Variants in ASZ1 observed in about 807,000 individuals in gnomAD.
ASZ1 encodes ankyrin repeat, SAM and basic leucine zipper domain-containing protein 1.
A neutral mutation model predicts 61.8 loss-of-function variants in ASZ1; 67 were observed. The observed-to-expected ratio is 1.08, with a 90% CI of 0.89 to 1.33. The LOEUF (loss-of-function observed/expected upper bound fraction) is 1.33, where lower values mean the gene tolerates loss of function less well. Ranked by LOEUF, ASZ1 falls within the 40% of genes most tolerant of loss-of-function variation. The pLI, the probability that ASZ1 is intolerant of heterozygous loss-of-function variation, is 0.00. For synonymous variants in ASZ1, 193 were observed against 192.7 expected (o/e 1.00, Z -0.01); for missense variants, 577 against 554.5 (o/e 1.04, Z -0.41).
At chr7:117,392,238 G>C (rs1015459695) in intron 4 of ASZ1, among the ~76,000 whole-genome samples, 6 of 152,104 alleles carry the variant, frequency 3.9e-5, no homozygotes, top group African/African-American at 1.4e-4. Context: ...TGTGATCACG[G>C]AATTCTTTTT....
At chr7:117,368,579 A>G (rs1358872317) in intron 11 of ASZ1, 33 bp downstream of exon 11, 1 of 1,601,802 alleles carries the variant, frequency 6.2e-7, no homozygotes, top group Non-Finnish European at 8.5e-7. Flanking sequence ...CAGTGTTCAT[A>G]CTTTTCTTCA....
chr7:117,380,560 A>G (rs1796230300), intron 9 of ASZ1, among the ~76,000 whole-genome samples: 1 of 151,692 alleles, frequency 6.6e-6, no homozygotes, highest in Non-Finnish European at 1.5e-5. Flanking sequence ...TACATATGCT[A>G]TTTATCAAAG....
At chr7:117,379,112 G>T (rs976376758) in intron 10 of ASZ1, among the ~76,000 whole-genome samples, 1 of 134,490 alleles carries the variant, frequency 7.4e-6, no homozygotes, top group Non-Finnish European at 1.6e-5. Flanking sequence ...GTAGTTACAT[G>T]AAGCTATAAA....
Position 117,385,701 on chromosome 7 carries a change from G to A in ASZ1, c.549C>T (p.Tyr183=), listed in dbSNP as rs1314962901. The change falls in exon 5 of 13, where the codon TAC becomes TAT. Residue 183 remains tyrosine, a synonymous_variant. Coordinates refer to ENST00000284629, the MANE Select transcript of ASZ1 (RefSeq NM_130768.3). The part of the protein sequence containing the change: ...AEVNTQDENG[Y]TALTWAARQG... ...ACATTGTAAAAATGTTTCTCACAGT[G>A]TAACCATTCTCATCCTGGGTATTAA... The A allele has an allele frequency of 1.9e-6, 3 of 1,593,880 alleles. No homozygotes were observed. The highest frequency in any genetic ancestry group is 2.6e-6 in the Non-Finnish European group (3 of 1,162,218).
At chr7:117,388,693 T>C (rs913630184) in intron 4 of ASZ1, among the ~76,000 whole-genome samples, 1 of 152,162 alleles carries the variant, frequency 6.6e-6, no homozygotes, top group African/African-American at 2.4e-5. Flanking sequence ...TCATATTTAA[T>C]GGTGAAAGAG....
chr7:117,367,719 T>C, intron 11 of ASZ1: 3 of 963,592 alleles, frequency 3.1e-6, no homozygotes, highest in Non-Finnish European at 3.8e-6. Context: ...ATAACATTTA[T>C]GATGAACAAA....
Position 117,380,028 on chromosome 7 carries a change from T to A in ASZ1, c.965A>T (p.Asp322Val), listed in dbSNP as rs751279747. The change falls in exon 10 of 13, where the codon GAC (aspartate) becomes GTC (valine). Residue 322 changes from aspartate to valine, a missense_variant. By Grantham distance (152) the Asp-to-Val change is radical. Coordinates refer to ENST00000284629, the MANE Select transcript of ASZ1 (RefSeq NM_130768.3). ...AAGAGCAGCCAGAATTTTCTGCTGGTCTTTACTGGTAATTCCATTCTAAGC... is the reference window on the plus strand; with the variant it reads ...AAGAGCAGCCAGAATTTTCTGCTGGACTTTACTGGTAATTCCATTCTAAGC... ...EFTKNGITSK[D>V]QQKILAALKE... 4.4e-6 allele frequency: 7 copies of A among 1,596,968 alleles called. No homozygotes were observed. In the East Asian group the frequency reaches 1.6e-4, roughly 36 times the overall value.
At position 117,426,898 on chromosome 7, in the gene ASZ1, TC is replaced by T. The variant is rs1411928238; in HGVS notation, c.142del (p.Glu48LysfsTer7). On this transcript the variant is annotated frameshift_variant, in exon 2 of 13. Transcript: ENST00000284629. LOFTEE classifies it high-confidence loss of function. ...KRLLPIEEKK[E>X]KFKKAMTIGD... ...GATGGTCATTGCTTTCTTAAATTTTTCTTTCTTTTCTTCAATGGGTAATAGC... is the reference window on the plus strand; with the variant it reads ...GATGGTCATTGCTTTCTTAAATTTTTTTTCTTTTCTTCAATGGGTAATAGC... 6.2e-7 allele frequency: 1 copy of T among 1,612,954 alleles called. No individual in the cohort carries two copies. The highest frequency in any genetic ancestry group is 1.7e-5 in the Admixed American group (1 of 59,794).
intron 4 of ASZ1, among the ~76,000 whole-genome samples, chr7:117,390,179 G>GTTT (rs35059050): frequency 6.7e-6 from 1 of 148,460 alleles, no homozygotes; most frequent in African/African-American, 2.5e-5. Flanking sequence ...AACAGTGGGG[G>GTTT]TTTTTTTTTT....
At chr7:117,393,239 TAA>T (rs1023927145) in intron 4 of ASZ1, among the ~76,000 whole-genome samples, 1 of 152,218 alleles carries the variant, frequency 6.6e-6, no homozygotes, top group Non-Finnish European at 1.5e-5. Context: ...TAAATTATGT[TAA>T]AGTCAGAATT....
chr7:117,421,947 A>G (rs1288454435), intron 3 of ASZ1, among the ~76,000 whole-genome samples: 3 of 152,212 alleles, frequency 2.0e-5, no homozygotes, highest in Admixed American at 6.5e-5. Flanking sequence ...CTAAATTATA[A>G]ACTTTTTAAT....
At chr7:117,368,526 A>G in intron 11 of ASZ1, 86 bp downstream of exon 11, 6 of 1,526,382 alleles carry the variant, frequency 3.9e-6, no homozygotes, top group South Asian at 2.6e-5. Flanking sequence ...CAGCAAATCA[A>G]TACTATTTAT....
At chr7:117,370,596 A>G (rs538013283) in intron 10 of ASZ1, among the ~76,000 whole-genome samples, 14 of 152,176 alleles carry the variant, frequency 9.2e-5, no homozygotes, top group Non-Finnish European at 1.9e-4. Flanking sequence ...GAATTCAGAG[A>G]AAAAGAAAGA....
chr7:117,414,580 C>T (rs1796953289), intron 4 of ASZ1, among the ~76,000 whole-genome samples: 1 of 152,060 alleles, frequency 6.6e-6, no homozygotes, highest in African/African-American at 2.4e-5. Flanking sequence ...GGTTTGTGCA[C>T]CCATAAACCC....
intron 3 of ASZ1, 66 bp from the exon 4 acceptor site, chr7:117,420,340 CA>C: frequency 9.0e-7 from 1 of 1,112,928 alleles, no homozygotes; most frequent in South Asian, 1.4e-5. Flanking sequence ...ATGTCTTTAC[CA>C]CTCAAAACAT....
chr7:117,368,187 A>G, intron 11 of ASZ1: 2 of 905,896 alleles, frequency 2.2e-6, no homozygotes, highest in Non-Finnish European at 2.6e-6. Flanking sequence ...TGGGCCTCCC[A>G]AAGTGTTGGG....
intron 2 of ASZ1, among the ~76,000 whole-genome samples, chr7:117,424,960 T>A (rs1446539301): frequency 6.6e-6 from 1 of 152,206 alleles, no homozygotes; most frequent in East Asian, 1.9e-4. Context: ...CCCTTTGATA[T>A]AATAATCCTC....
intron 4 of ASZ1, among the ~76,000 whole-genome samples, chr7:117,403,495 T>C (rs1290923265): frequency 6.6e-6 from 1 of 152,146 alleles, no homozygotes; most frequent in Non-Finnish European, 1.5e-5. Flanking sequence ...TGTTTTGTCA[T>C]CCTAACTCTC....
chr7:117,412,236 T>C (rs1796910818), intron 4 of ASZ1, among the ~76,000 whole-genome samples: 1 of 151,998 alleles, frequency 6.6e-6, no homozygotes, highest in African/African-American at 2.4e-5. Context: ...TTCCATATTA[T>C]TTTAATATCT....
Sources: allele counts gnomAD v4.1 joint callset (sites outside exome capture counted in the v4.1 genomes callset), GRCh38; gene constraint gnomAD v4.1.1; transcripts MANE v1.5; gene names NCBI Gene and HGNC (gene_info 2026-07-23, HGNC 2026-07-21).